Variants in TGFBR2 observed in about 807,000 individuals in gnomAD.
TGFBR2 encodes the protein TGF-beta receptor type-2.
In TGFBR2, 18 loss-of-function variants were observed where a neutral mutation model predicts 49.0. The ratio of observed to expected loss-of-function variants is 0.37; its 90% CI spans 0.25 to 0.54. TGFBR2 has a LOEUF of 0.54. TGFBR2 is among the 20% of genes least tolerant of loss of function. The probability of loss-of-function intolerance (pLI) is 0.85; values close to 1 mark genes in which losing one functional copy is unlikely to be tolerated. For missense variants in TGFBR2, 525 were observed against 722.6 expected (o/e 0.73, Z 3.13); for synonymous variants, 282 against 275.9 (o/e 1.02, Z -0.22).
At chr3:30,616,770 A>G (rs1247293211) in intron 1 of TGFBR2, among the ~76,000 whole-genome samples, 1 of 152,152 alleles carries the variant, frequency 6.6e-6, no homozygotes, top group Non-Finnish European at 1.5e-5. Context: ...TTCATTGGAG[A>G]TGACTACTAT....
chr3:30,614,656 G>A (rs906624685), intron 1 of TGFBR2, among the ~76,000 whole-genome samples: 1 of 152,062 alleles, frequency 6.6e-6, no homozygotes, highest in Non-Finnish European at 1.5e-5. Context: ...GCTACTGCAC[G>A]GATCATGCTG....
At chr3:30,690,175 G>T (rs536042013) in intron 6 of TGFBR2, among the ~76,000 whole-genome samples, 28 of 152,308 alleles carry the variant, frequency 1.8e-4, no homozygotes, top group African/African-American at 6.5e-4. Flanking sequence ...CTGTGTGAGG[G>T]ATCCCATTAG....
chr3:30,618,073 A>G (rs1163869968), intron 1 of TGFBR2, among the ~76,000 whole-genome samples: 1 of 152,188 alleles, frequency 6.6e-6, no homozygotes, highest in Non-Finnish European at 1.5e-5. Flanking sequence ...TAAAGCTAGC[A>G]GAAGACAGAA....
intron 1 of TGFBR2, among the ~76,000 whole-genome samples, chr3:30,638,117 T>A (rs1268110143): frequency 1.3e-5 from 2 of 152,248 alleles, no homozygotes; most frequent in African/African-American, 2.4e-5. Context: ...TATTCTCTGG[T>A]GATATGATCA....
At position 30,669,121 on chromosome 3, in the gene TGFBR2, C is replaced by CAAAAAAAAAAAAAAAAAAAAAAA. The variant is rs56069409; in HGVS notation, c.455-2508_455-2486dup. On this transcript the variant is annotated intron_variant, in intron 3 of 6. Coordinates refer to ENST00000295754, the MANE Select transcript of TGFBR2 (RefSeq NM_003242.6). ...TGAAACCCCGTCTCCACTAAAAATACAAAAAAAAAAAAAAAAAAAAAAAAA... is the reference window on the plus strand; with the variant it reads ...TGAAACCCCGTCTCCACTAAAAATACAAAAAAAAAAAAAAAAAAAAAAAAAAAAAAAAAAAAAAAAAAAAAAAA... Among the ~76,000 whole-genome samples the CAAAAAAAAAAAAAAAAAAAAAAA allele has an allele frequency of 1.3e-4, 11 of 83,462 alleles. 1 individual carries two copies. Among genetic ancestry groups the CAAAAAAAAAAAAAAAAAAAAAAA allele is most frequent in the African/African-American group, 6.0e-4 (11 of 18,308 alleles). The allele number at this position is 83,462 out of a possible 152,430, so 54.8% of individuals were successfully genotyped here.
intron 1 of TGFBR2, among the ~76,000 whole-genome samples, chr3:30,632,185 C>T (rs183711818): frequency 4.0e-4 from 61 of 152,234 alleles, no homozygotes; most frequent in Admixed American, 7.2e-4. Flanking sequence ...TTTTAGAATT[C>T]CACAATCTTA....
chr3:30,625,156 A>G (rs182950379), intron 1 of TGFBR2, among the ~76,000 whole-genome samples: 61 of 152,340 alleles, frequency 4.0e-4, no homozygotes, highest in Non-Finnish European at 7.5e-4. Context: ...AAAGACTCAA[A>G]TTTTGAACAT....
chr3:30,677,689 A>G (rs920103835), intron 5 of TGFBR2, among the ~76,000 whole-genome samples: 2 of 152,232 alleles, frequency 1.3e-5, no homozygotes, highest in African/African-American at 4.8e-5. Flanking sequence ...TCCTTTGGAA[A>G]GTACACGAAG....
intron 1 of TGFBR2, among the ~76,000 whole-genome samples, chr3:30,608,764 G>GT (rs148178356): frequency 0.014 from 2,149 of 152,242 alleles, 55 homozygotes; most frequent in African/African-American, 0.049. Context: ...AAATCTTAGT[G>GT]TTTCGTTCTT....
chr3:30,671,510 A>T, intron 3 of TGFBR2, 128 bp from the exon 4 acceptor site: 1 of 938,898 alleles, frequency 1.1e-6, no homozygotes, highest in Non-Finnish European at 1.6e-6. Flanking sequence ...AATAAAAATT[A>T]ACAATATCGT....
In TGFBR2 at chr3:30,606,689, G is replaced by A. The variant is rs925186023; in HGVS notation, c.-195G>A. On this transcript the variant is annotated 5_prime_UTR_variant, in exon 1 of 7. Coordinates refer to ENST00000295754, the MANE Select transcript of TGFBR2 (RefSeq NM_003242.6). ...CTGTGCAGCTTCCCTCGGCCGCCGGGGGCCTCCCCGCGCCTCGCCGGCCTC... is the reference window on the plus strand; with the variant it reads ...CTGTGCAGCTTCCCTCGGCCGCCGGAGGCCTCCCCGCGCCTCGCCGGCCTC... 2 of 388,798 alleles carry A rather than the reference G, an allele frequency of 5.1e-6. No individual in the cohort carries two copies. Among genetic ancestry groups the A allele is most frequent in the Admixed American group, 4.5e-5 (1 of 22,082 alleles). The allele number at this position is 388,798 out of a possible 1,614,324, so 24.1% of individuals were successfully genotyped here.
At chr3:30,683,890 G>A (rs1331867358) in intron 5 of TGFBR2, among the ~76,000 whole-genome samples, 2 of 152,148 alleles carry the variant, frequency 1.3e-5, no homozygotes, top group African/African-American at 2.4e-5. Context: ...TCCTAGGAAC[G>A]ACCATTGGTA....
In TGFBR2 at chr3:30,672,436, A is replaced by G; in HGVS notation, c.1253A>G (p.Gln418Arg). The change falls in exon 4 of 7, where the codon CAG (glutamine) becomes CGG (arginine). Residue 418 changes from glutamine to arginine, a missense_variant and splice_region_variant. Gln to Arg is a conservative substitution (Grantham distance 43). Coordinates refer to ENST00000295754, the MANE Select transcript of TGFBR2 (RefSeq NM_003242.6). The surrounding 1 kb of genome is among the most constrained non-coding windows in gnomAD (Gnocchi z 4.5). ...LSVDDLANSG[Q>R]VGTARYMAPE... ...GTGGATGACCTGGCTAACAGTGGGC[A>G]GGTAAGTTAGAGCTAGTGCTAGATC... 1 of 1,614,208 alleles carries G rather than the reference A, an allele frequency of 6.2e-7. No individual in the cohort carries two copies. The highest frequency in any genetic ancestry group is 1.1e-5 in the South Asian group (1 of 91,086).
At chr3:30,675,500 G>A (rs1437893331) in intron 5 of TGFBR2, among the ~76,000 whole-genome samples, 1 of 151,432 alleles carries the variant, frequency 6.6e-6, no homozygotes, top group Non-Finnish European at 1.5e-5. Context: ...AATTCTCCTA[G>A]CTCAGCCTCT....
At chr3:30,664,280 TC>T (rs1159741651) in intron 3 of TGFBR2, among the ~76,000 whole-genome samples, 10 of 151,526 alleles carry the variant, frequency 6.6e-5, no homozygotes, top group African/African-American at 2.4e-4. Context: ...CACCATATCT[TC>T]CCCCCATTTT....
intron 1 of TGFBR2, among the ~76,000 whole-genome samples, chr3:30,637,063 G>GAA (rs752993282): frequency 5.0e-5 from 5 of 99,150 alleles, no homozygotes; most frequent in Non-Finnish European, 8.2e-5. Context: ...GACTCTGTCT[G>GAA]AAAAAAAAAA....
At chr3:30,646,360 T>C (rs1698740806) in intron 2 of TGFBR2, among the ~76,000 whole-genome samples, 1 of 152,216 alleles carries the variant, frequency 6.6e-6, no homozygotes, top group Non-Finnish European at 1.5e-5. Flanking sequence ...GGACAAAGAA[T>C]GTGTTCAGAG....
At chr3:30,606,529 A>T (rs1350585122), upstream of TGFBR2, 6 of 267,584 alleles carry the variant, frequency 2.2e-5, no homozygotes, top group East Asian at 3.2e-4. Flanking sequence ...TCGGGCGGAG[A>T]GAGGTCCTGC....
In TGFBR2 at chr3:30,672,036, G is replaced by A. The variant is rs776497237; in HGVS notation, c.853G>A (p.Ala285Thr). ...CAAGATCTTTCCCTATGAGGAGTATGCCTCTTGGAAGACAGAGAAGGACAT... is the reference window on the plus strand; with the variant it reads ...CAAGATCTTTCCCTATGAGGAGTATACCTCTTGGAAGACAGAGAAGGACAT... ...AVKIFPYEEY[A>T]SWKTEKDIFS... The change falls in exon 4 of 7, where the codon GCC becomes ACC. Residue 285 changes from alanine (A) to threonine (T), a missense_variant. By Grantham distance (58) the Ala-to-Thr change is moderately conservative. Transcript: ENST00000295754. The surrounding 1 kb of genome is among the most constrained non-coding windows in gnomAD (Gnocchi z 4.5). The A allele has an allele frequency of 1.2e-6, 2 of 1,614,232 alleles. No homozygotes were observed. The highest frequency in any genetic ancestry group is 2.2e-5 in the South Asian group (2 of 91,088).
Sources: allele counts gnomAD v4.1 joint callset (sites outside exome capture counted in the v4.1 genomes callset), GRCh38; gene constraint gnomAD v4.1.1; non-coding constraint Gnocchi (gnomAD v3.1); transcripts MANE v1.5; gene names NCBI Gene and HGNC (gene_info 2026-07-23, HGNC 2026-07-21).